GRIN2A: variants seen among roughly 807,000 people sequenced by gnomAD.
The protein encoded by GRIN2A is glutamate receptor ionotropic, NMDA 2A.
Under a neutral mutation model 113.4 loss-of-function variants are expected in GRIN2A, and 22 were observed. The ratio of observed to expected loss-of-function variants is 0.19; its 90% confidence interval spans 0.14 to 0.28. The LOEUF is 0.28. Among genes scored for constraint, GRIN2A ranks in the 10% least tolerant of loss-of-function variants. The probability of loss-of-function intolerance (pLI) is 1.00; values close to 1 mark genes in which losing one functional copy is unlikely to be tolerated. For missense variants in GRIN2A, 1,502 were observed against 1,887.0 expected (o/e 0.80, Z 3.78); for synonymous variants, 827 against 738.4 (o/e 1.12, Z -1.94).
chr16:10,137,036 C>T (rs1256318472), intron 2 of GRIN2A, among the ~76,000 whole-genome samples: 2 of 152,198 alleles, frequency 1.3e-5, no homozygotes, highest in Non-Finnish European at 2.9e-5. Flanking sequence ...CACAGTTATC[C>T]TGCCTACAAG....
At chr16:9,870,532 C>T (rs1272472227) in intron 4 of GRIN2A, among the ~76,000 whole-genome samples, 5 of 152,046 alleles carry the variant, frequency 3.3e-5, no homozygotes, top group Non-Finnish European at 5.9e-5. Context: ...TTTCTCATTT[C>T]ACTTGACCAT....
chr16:10,166,671 T>C (rs1417252246), intron 2 of GRIN2A, among the ~76,000 whole-genome samples: 4 of 152,196 alleles, frequency 2.6e-5, no homozygotes, highest in African/African-American at 7.2e-5. Context: ...ACAAAGCATT[T>C]TGGTCCAAGG....
At chr16:9,889,946 C>T (rs2043661128) in intron 4 of GRIN2A, among the ~76,000 whole-genome samples, 1 of 152,126 alleles carries the variant, frequency 6.6e-6, no homozygotes, top group African/African-American at 2.4e-5. Context: ...GTGTAGGATG[C>T]AAAACTTTCC....
At chr16:10,037,714 C>A (rs1567251803) in intron 2 of GRIN2A, among the ~76,000 whole-genome samples, 1 of 152,282 alleles carries the variant, frequency 6.6e-6, no homozygotes, top group East Asian at 1.9e-4. Context: ...CAGCCTCTAC[C>A]TCCTGGACTC....
Position 9,760,815 on chromosome 16 carries a change from G to A in GRIN2A, c.*2334C>T. 8.6e-6 allele frequency: 2 copies of A among 231,434 alleles called. No individual in the cohort carries two copies. The highest frequency in any genetic ancestry group is 1.7e-5 in the Non-Finnish European group (2 of 117,000). 14.3% of individuals were successfully genotyped at this position (231,434 alleles called of 1,614,324 possible). A position where few individuals can be genotyped will look rare whatever the true frequency, so the allele number is the denominator to read the frequency against. ...AATTCATTCATGTCAAAACATCCCA[G>A]ACTCATGAGGAAATGGAGGCGATCC... is the stretch of plus-strand genomic sequence containing the variant. On this transcript the variant is annotated 3_prime_UTR_variant, in exon 13 of 13. Coordinates refer to ENST00000330684, the MANE Select transcript of GRIN2A (RefSeq NM_001134407.3).
intron 3 of GRIN2A, among the ~76,000 whole-genome samples, chr16:9,913,655 C>T (rs568684788): frequency 3.3e-5 from 5 of 152,218 alleles, no homozygotes; most frequent in East Asian, 1.9e-4. Flanking sequence ...TTGCATGTTT[C>T]GGAAATTGGG....
chr16:9,833,023 T>C (rs559798235), intron 8 of GRIN2A, among the ~76,000 whole-genome samples: 1 of 152,312 alleles, frequency 6.6e-6, no homozygotes, highest in Non-Finnish European at 1.5e-5. Context: ...TTGGGGGATA[T>C]GAGACTTCAA....
intron 3 of GRIN2A, among the ~76,000 whole-genome samples, chr16:9,904,295 G>A (rs1391353947): frequency 6.6e-6 from 1 of 152,208 alleles, no homozygotes; most frequent in African/African-American, 2.4e-5. Flanking sequence ...CCTGTTTACA[G>A]AAGGCTGTCT....
In GRIN2A at chr16:9,903,911, A is replaced by G. The variant is rs1186205009; in HGVS notation, c.1008-12811T>C. ...GGGTGCTCCTGGACTTGTGTAATTC[A>G]TAGCCTGAACAATGTTATCACCTCT... On this transcript the variant is annotated intron_variant, in intron 3 of 12. Coordinates refer to ENST00000330684, the MANE Select transcript of GRIN2A (RefSeq NM_001134407.3). Among the ~76,000 whole-genome samples the G allele has an allele frequency of 4.6e-5, 7 of 152,336 alleles. 1 individual carries two copies. In the East Asian group the frequency reaches 7.7e-4, roughly 17 times the overall value.
chr16:9,981,041 AAAG>A (rs2045882815), intron 2 of GRIN2A, among the ~76,000 whole-genome samples: 2 of 151,704 alleles, frequency 1.3e-5, no homozygotes, highest in African/African-American at 2.4e-5. Flanking sequence ...AGGAAAAAAA[AAAG>A]AGAGAGAGAG....
rs1478100512 is a variant in GRIN2A, at chr16:10,181,997, G to GGCTGTCCCGC, written c.-149_-140dup. ...TGCTGCGGCCCCAGCGCGCTCCCCTGGCTGTCCCGCGCTGTCCGCATCGCC... is the reference window on the plus strand; with the variant it reads ...TGCTGCGGCCCCAGCGCGCTCCCCTGGCTGTCCCGCGCTGTCCCGCGCTGTCCGCATCGCC... On this transcript the variant is annotated 5_prime_UTR_variant, in exon 1 of 13. It removes the in-frame stop codon of an upstream open reading frame in the 5' UTR. Coordinates refer to ENST00000330684, the MANE Select transcript of GRIN2A (RefSeq NM_001134407.3). The GGCTGTCCCGC allele has an allele frequency of 6.5e-6, 1 of 152,734 alleles. No homozygotes were observed. Among genetic ancestry groups the GGCTGTCCCGC allele is most frequent in the Admixed American group, 6.5e-5 (1 of 15,290 alleles). 9.5% of individuals were successfully genotyped at this position (152,734 alleles called of 1,614,324 possible). A position where few individuals can be genotyped will look rare whatever the true frequency, so the allele number is the denominator to read the frequency against.
chr16:9,927,972 TG>T (rs2044501660), intron 3 of GRIN2A, among the ~76,000 whole-genome samples: 1 of 152,186 alleles, frequency 6.6e-6, no homozygotes, highest in Admixed American at 6.5e-5. Flanking sequence ...AAGCTGACTG[TG>T]GGGATTTGGA....
chr16:9,853,734 T>A (rs928405885), intron 4 of GRIN2A, among the ~76,000 whole-genome samples: 9 of 152,206 alleles, frequency 5.9e-5, no homozygotes, highest in African/African-American at 1.9e-4. Flanking sequence ...AATTTTTTTT[T>A]AATTATGGAA....
intron 2 of GRIN2A, among the ~76,000 whole-genome samples, chr16:10,118,154 C>A (rs2048763961): frequency 6.6e-6 from 1 of 152,176 alleles, no homozygotes; most frequent in Non-Finnish European, 1.5e-5. Flanking sequence ...CTGAGTCTGA[C>A]AGAGGAAAGC....
intron 4 of GRIN2A, among the ~76,000 whole-genome samples, chr16:9,862,330 CCT>C (rs1323741592): frequency 6.6e-6 from 1 of 151,896 alleles, no homozygotes; most frequent in Non-Finnish European, 1.5e-5. Context: ...GATTTTTTTT[CCT>C]CTCGTAATAA....
intron 2 of GRIN2A, among the ~76,000 whole-genome samples, chr16:10,151,282 T>G (rs1023882996): frequency 6.6e-5 from 10 of 152,132 alleles, no homozygotes; most frequent in Non-Finnish European, 7.4e-5. Context: ...AGTTTGTGAG[T>G]TCCCCCTCTT....
Position 9,886,871 on chromosome 16 carries a change from G to A in GRIN2A, c.1122+4115C>T, listed in dbSNP as rs1033015662. Among the ~76,000 whole-genome samples, 6 of 152,098 alleles carry A rather than the reference G, an allele frequency of 3.9e-5. 1 individual carries two copies. Among genetic ancestry groups the A allele is most frequent in the African/African-American group, 9.7e-5 (4 of 41,416 alleles). On this transcript the variant is annotated intron_variant, in intron 4 of 12. Transcript: ENST00000330684. Reference sequence around the variant, plus strand: ...GTTAGTTAATTGTGCTGGGTATCCCGATCTGAAGGATTTAAGGTTTTGTTG... The same window carrying A: ...GTTAGTTAATTGTGCTGGGTATCCCAATCTGAAGGATTTAAGGTTTTGTTG...
intron 4 of GRIN2A, among the ~76,000 whole-genome samples, chr16:9,866,493 C>A (rs1028553808): frequency 9.2e-5 from 14 of 152,048 alleles, no homozygotes; most frequent in Admixed American, 7.9e-4. Context: ...TGGGACAAGA[C>A]TGAAGAAGCC....
At chr16:9,785,856 A>G (rs544591578) in intron 11 of GRIN2A, among the ~76,000 whole-genome samples, 1 of 152,342 alleles carries the variant, frequency 6.6e-6, no homozygotes, top group African/African-American at 2.4e-5. Context: ...AAGCATCTCC[A>G]TAGGCAAGGG....
Sources: gnomAD v4.1 joint callset for allele counts (sites outside exome capture counted in the v4.1 genomes callset) on GRCh38, gnomAD v4.1.1 for gene constraint, MANE v1.5 for transcripts, NCBI Gene and HGNC (gene_info 2026-07-23, HGNC 2026-07-21) for gene names.